Variants in BCAS1 observed in about 807,000 individuals in gnomAD.
The protein encoded by BCAS1 is brain enriched myelin associated protein 1.
Under a neutral mutation model 65.4 loss-of-function variants are expected in BCAS1, and 46 were observed. That is an observed-to-expected ratio of 0.70 (90% CI 0.55 to 0.90). The LOEUF is 0.90. Among genes scored for constraint, BCAS1 ranks in the 40% least tolerant of loss-of-function variants. BCAS1 has a pLI of 0.00. For synonymous variants in BCAS1, 298 were observed against 293.5 expected, an observed-to-expected ratio of 1.02 and a Z score of -0.16; for missense variants, 793 against 771.2, an observed-to-expected ratio of 1.03 and a Z score of -0.33.
Position 54,070,430 on chromosome 20 carries a change from T to A in BCAS1, c.-6+3A>T, listed in dbSNP as rs1031177272. ...CATGCCTAAAGGATCTGAAAGCAGTTACCTGCTGAGCCCCTGTGGGAGTAT... is the reference window on the plus strand; with the variant it reads ...CATGCCTAAAGGATCTGAAAGCAGTAACCTGCTGAGCCCCTGTGGGAGTAT... On this transcript the variant is annotated splice_donor_region_variant and intron_variant, in intron 1 of 12. Transcript: ENST00000688948. The A allele has an allele frequency of 6.6e-6, 1 of 152,542 alleles. No homozygotes were observed. Among genetic ancestry groups the A allele is most frequent in the Non-Finnish European group, 1.5e-5 (1 of 68,340 alleles). 9.4% of individuals were successfully genotyped at this position (152,542 alleles called of 1,614,324 possible).
At position 54,001,841 on chromosome 20, in the gene BCAS1, G is replaced by A. The variant is rs562776282; in HGVS notation, c.724-5791C>T. On this transcript the variant is annotated intron_variant, in intron 4 of 12. Transcript: ENST00000688948. ...GATAAATTGGCTCTGTCTGGGCAGC[G>A]GGCAAAAATAACCCATTGGCAGTTA... Among the ~76,000 whole-genome samples, 70 of 152,178 alleles carry A rather than the reference G, an allele frequency of 4.6e-4. 1 individual carries two copies. Among genetic ancestry groups the A allele is most frequent in the Admixed American group, 3.7e-3 (56 of 15,290 alleles).
intron 3 of BCAS1, among the ~76,000 whole-genome samples, chr20:54,053,407 T>A (rs977315718): frequency 6.6e-6 from 1 of 152,216 alleles, no homozygotes. Context: ...AATTTCATGT[T>A]TTAGTTTAAA....
chr20:54,028,361 G>A, intron 4 of BCAS1, 31 bp downstream of exon 4: 1 of 1,612,434 alleles, frequency 6.2e-7, no homozygotes, highest in Non-Finnish European at 8.5e-7. Flanking sequence ...CATGCATTCA[G>A]AACCAAGTGG....
intron 12 of BCAS1, among the ~76,000 whole-genome samples, chr20:53,952,814 A>G (rs1244838425): frequency 2.1e-4 from 32 of 152,360 alleles, no homozygotes; most frequent in Non-Finnish European, 2.9e-5. Flanking sequence ...TTTGGCCTAT[A>G]AAATCTTACT....
chr20:54,040,686 T>C (rs1237447537), intron 3 of BCAS1, among the ~76,000 whole-genome samples: 1 of 150,958 alleles, frequency 6.6e-6, no homozygotes, highest in Non-Finnish European at 1.5e-5. Context: ...AGAGAGACAA[T>C]AACCAGTGGT....
chr20:54,028,293 G>T, intron 4 of BCAS1, 99 bp downstream of exon 4: 3 of 1,264,532 alleles, frequency 2.4e-6, no homozygotes, highest in Non-Finnish European at 2.3e-6. Flanking sequence ...TTGCCACCTT[G>T]CCTAGGCCCA....
chr20:53,985,814 A>G (rs1044794471), intron 7 of BCAS1, among the ~76,000 whole-genome samples: 2 of 152,204 alleles, frequency 1.3e-5, no homozygotes, highest in Non-Finnish European at 2.9e-5. Context: ...TATTTAGGCC[A>G]CTGGTCTCCA....
intron 4 of BCAS1, among the ~76,000 whole-genome samples, chr20:54,023,817 T>C (rs550092744): frequency 1.8e-4 from 28 of 152,334 alleles, no homozygotes; most frequent in Admixed American, 1.1e-3. Flanking sequence ...TTTTATACCT[T>C]TCTCACCCAA....
intron 4 of BCAS1, among the ~76,000 whole-genome samples, chr20:54,012,097 C>T (rs556237591): frequency 1.1e-4 from 17 of 152,018 alleles, no homozygotes; most frequent in East Asian, 1.9e-4. Context: ...CTCAGTGATT[C>T]GGATTAATTT....
At chr20:53,998,120 T>C (rs981871099) in intron 4 of BCAS1, among the ~76,000 whole-genome samples, 6 of 152,160 alleles carry the variant, frequency 3.9e-5, no homozygotes, top group Non-Finnish European at 8.8e-5. Context: ...CTCTCAGTAG[T>C]GGAGAGTGGG....
intron 9 of BCAS1, among the ~76,000 whole-genome samples, chr20:53,968,169 A>C (rs1265313183): frequency 6.6e-6 from 1 of 152,238 alleles, no homozygotes; most frequent in Non-Finnish European, 1.5e-5. Context: ...GATTTTACGC[A>C]TTTAAAGCGT....
chr20:54,008,908 G>C (rs1168208016), intron 4 of BCAS1, among the ~76,000 whole-genome samples: 2 of 151,908 alleles, frequency 1.3e-5, no homozygotes, highest in Non-Finnish European at 2.9e-5. Flanking sequence ...CTGCCTACCG[G>C]GTTCAAGCAA....
intron 4 of BCAS1, among the ~76,000 whole-genome samples, chr20:54,014,523 T>G (rs114478343): frequency 5.6e-4 from 85 of 152,318 alleles, no homozygotes; most frequent in African/African-American, 2.0e-3. Flanking sequence ...AGATAAGGCT[T>G]AAAAAGCCTT....
intron 3 of BCAS1, among the ~76,000 whole-genome samples, chr20:54,055,836 A>G (rs1296397571): frequency 6.6e-6 from 1 of 152,242 alleles, no homozygotes; most frequent in African/African-American, 2.4e-5. Context: ...ATACACACAC[A>G]CAACAGAATA....
chr20:53,979,990 C>A (rs1042989596), intron 8 of BCAS1, among the ~76,000 whole-genome samples: 2 of 152,072 alleles, frequency 1.3e-5, no homozygotes, highest in African/African-American at 4.8e-5. Flanking sequence ...TGCTACGGAA[C>A]CCCTTATAAA....
At chr20:54,043,381 A>G (rs373838152) in intron 3 of BCAS1, among the ~76,000 whole-genome samples, 19 of 152,156 alleles carry the variant, frequency 1.2e-4, no homozygotes, top group African/African-American at 4.6e-4. Flanking sequence ...GGTAGGGAAA[A>G]AAATAAACCT....
At chr20:54,002,363 T>C (rs1401962815) in intron 4 of BCAS1, among the ~76,000 whole-genome samples, 1 of 152,072 alleles carries the variant, frequency 6.6e-6, no homozygotes, top group African/African-American at 2.4e-5. Context: ...CTTAAAACAG[T>C]CTTAAAAATT....
At chr20:54,008,846 C>G (rs1157745798) in intron 4 of BCAS1, among the ~76,000 whole-genome samples, 1 of 151,148 alleles carries the variant, frequency 6.6e-6, no homozygotes, top group Non-Finnish European at 1.5e-5. Flanking sequence ...TGCTCTGTCA[C>G]CCAGGCTGGA....
At chr20:54,058,233 C>G (rs554781948) in intron 2 of BCAS1, 79 bp from the exon 3 acceptor site, 2 of 1,266,032 alleles carry the variant, frequency 1.6e-6, no homozygotes, top group East Asian at 2.4e-5. Context: ...CTCTAAGATA[C>G]AAGGGTGTCT....
Sources: allele counts gnomAD v4.1 joint callset (sites outside exome capture counted in the v4.1 genomes callset), GRCh38; gene constraint gnomAD v4.1.1; transcripts MANE v1.5; gene names NCBI Gene and HGNC (gene_info 2026-07-23, HGNC 2026-07-21).